CES5A: variants seen among roughly 807,000 people sequenced by gnomAD.
CES5A encodes carboxylesterase 5A.
CES5A carries 67 observed loss-of-function variants against 62.9 expected under a neutral mutation model. The ratio of observed to expected loss-of-function variants is 1.07; its 90% CI spans 0.88 to 1.31. CES5A has a LOEUF of 1.31. Ranked by LOEUF, CES5A falls within the 50% of genes most tolerant of loss-of-function variation. The pLI, the probability that CES5A is intolerant of heterozygous loss-of-function variation, is 0.00. For synonymous variants in CES5A, 296 were observed against 280.8 expected, an observed-to-expected ratio of 1.05 and a Z score of -0.54; for missense variants, 748 against 708.5, an observed-to-expected ratio of 1.06 and a Z score of -0.63.
chr16:55,896,836 G>C (rs984590454), intron 1 of CES5A, among the ~76,000 whole-genome samples: 3 of 152,324 alleles, frequency 2.0e-5, no homozygotes, highest in Middle Eastern at 3.4e-3. Context: ...AACTGCTTTA[G>C]AAAAGTTATT....
intron 1 of CES5A, among the ~76,000 whole-genome samples, chr16:55,905,348 C>T (rs1042082100): frequency 1.3e-5 from 2 of 151,540 alleles, no homozygotes; most frequent in African/African-American, 4.9e-5. Flanking sequence ...TCCTGGCACT[C>T]CCCAGAATAT....
intron 1 of CES5A, among the ~76,000 whole-genome samples, chr16:55,880,440 G>T (rs1013890404): frequency 6.6e-6 from 1 of 152,076 alleles, no homozygotes; most frequent in Admixed American, 6.6e-5. Flanking sequence ...TCAGTCTCAG[G>T]AACACCCCCT....
At chr16:55,917,153 G>T (rs1197505892) in intron 1 of CES5A, among the ~76,000 whole-genome samples, 1 of 152,150 alleles carries the variant, frequency 6.6e-6, no homozygotes, top group African/African-American at 2.4e-5. Context: ...ATCTTATCCA[G>T]TTCCATGGTT....
chr16:55,871,624 C>A lies in CES5A; in HGVS notation c.417+1G>T. 6.2e-7 allele frequency: 1 copy of A among 1,613,966 alleles called. No homozygotes were observed. Among genetic ancestry groups the A allele is most frequent in the South Asian group, 1.1e-5 (1 of 91,058 alleles). On this transcript the variant is annotated splice_donor_variant, in intron 3 of 12. Coordinates refer to ENST00000290567, the MANE Select transcript of CES5A (RefSeq NM_001143685.2). LOFTEE classifies it high-confidence loss of function. ...CCGAAGCACACAGCAGGCAGCCTTA[C>A]GGGGAGCTTGGAGCCTGTATCGGCG... is the stretch of plus-strand genomic sequence containing the variant.
Position 55,846,483 on chromosome 16 carries a change from G to C in CES5A, c.1696C>G (p.Leu566Val). The C allele has an allele frequency of 6.2e-7, 1 of 1,613,940 alleles. No individual in the cohort carries two copies. The highest frequency in any genetic ancestry group is 8.5e-7 in the Non-Finnish European group (1 of 1,179,826). Residue 566 changes from leucine (L) to valine (V), a missense_variant, in exon 13 of 13, where the codon CTC becomes GTC. Physicochemically the swap from Leu to Val is conservative, Grantham distance 32. Transcript: ENST00000290567. ...PLSSLTFLSL[L>V]QPFFFFCAP is the part of the protein sequence containing the mutation. ...GCACAAAAGAAAAAGAAAGGCTGGA[G>C]GAGAGAGAGGAAAGTTAAGGAAGAA...
At chr16:55,943,115 A>G (rs2034461580) in intron 2 of CES5A, among the ~76,000 whole-genome samples, 1 of 152,224 alleles carries the variant, frequency 6.6e-6, no homozygotes, top group South Asian at 2.1e-4. Context: ...TTCCAAACTC[A>G]TGAAATTGAA....
At position 55,849,708 on chromosome 16, in the gene CES5A, G is replaced by T. The variant is rs1180345506; in HGVS notation, c.1339C>A (p.Pro447Thr). 6.2e-7 allele frequency: 1 copy of T among 1,613,988 alleles called. No homozygotes were observed. The highest frequency in any genetic ancestry group is 8.5e-7 in the Non-Finnish European group (1 of 1,179,874). Residue 447 changes from proline (P) to threonine (T), a missense_variant, in exon 11 of 13, where the codon CCA (proline) becomes ACA (threonine). Pro to Thr is a conservative substitution (Grantham distance 38). Coordinates refer to ENST00000290567, the MANE Select transcript of CES5A (RefSeq NM_001143685.2). ...HRPQCFEDTK[P>T]AFVKADHADE... ...GCGTGGTCGGCTTTGACAAAAGCTG[G>T]CTTCGTGTCTTCAAAGCACTGAGGC...
intron 1 of CES5A, among the ~76,000 whole-genome samples, chr16:55,909,189 G>C (rs901291931): frequency 2.6e-5 from 4 of 152,134 alleles, no homozygotes; most frequent in Non-Finnish European, 5.9e-5. Flanking sequence ...CTCCAGAGCT[G>C]GGAGGACTGG....
intron 1 of CES5A, among the ~76,000 whole-genome samples, chr16:55,911,811 C>T (rs759651555): frequency 1.2e-4 from 18 of 152,212 alleles, no homozygotes; most frequent in Non-Finnish European, 2.4e-4. Flanking sequence ...GTCCTGGCCA[C>T]TGACCTGCTG....
At chr16:55,942,148 C>T (rs1049399216) in intron 2 of CES5A, among the ~76,000 whole-genome samples, 2 of 152,056 alleles carry the variant, frequency 1.3e-5, no homozygotes, top group African/African-American at 2.4e-5. Context: ...CAAAAGAATA[C>T]TTTTGCATTC....
chr16:55,886,392 A>G (rs1258287888), intron 1 of CES5A, among the ~76,000 whole-genome samples: 1 of 152,220 alleles, frequency 6.6e-6, no homozygotes, highest in African/African-American at 2.4e-5. Context: ...TGGGAGTGGG[A>G]CAGTGTGTAG....
chr16:55,910,204 C>T (rs2034080169), intron 1 of CES5A, among the ~76,000 whole-genome samples: 1 of 152,192 alleles, frequency 6.6e-6, no homozygotes, highest in East Asian at 1.9e-4. Context: ...AATCCTGCAG[C>T]CCACTCTTCT....
intron 1 of CES5A, among the ~76,000 whole-genome samples, chr16:55,918,647 G>T (rs571797662): frequency 6.6e-6 from 1 of 152,308 alleles, no homozygotes; most frequent in African/African-American, 2.4e-5. Context: ...AAGGCAAAAA[G>T]AGGTGAAGTT....
At chr16:55,870,331 A>T (rs1167946023) in intron 3 of CES5A, among the ~76,000 whole-genome samples, 1 of 151,940 alleles carries the variant, frequency 6.6e-6, no homozygotes, top group Non-Finnish European at 1.5e-5. Flanking sequence ...AGAAGAAGAA[A>T]GAGGAAGAGG....
At position 55,855,701 on chromosome 16, in the gene CES5A, A is replaced by T. The variant is rs550666978; in HGVS notation, c.1125+676T>A. ...GAATAAATGTGTGGGAACAAAAATG[A>T]CTGATAGCCACAAATCAGTCAAGGT... On this transcript the variant is annotated intron_variant, in intron 9 of 12. Transcript: ENST00000290567. Among the ~76,000 whole-genome samples the T allele has an allele frequency of 3.3e-5, 5 of 152,224 alleles. No homozygotes were observed. The South Asian group carries it at 1.0e-3, about 32-fold the overall frequency.
chr16:55,932,357 C>G (rs1338953716), intron 2 of CES5A, among the ~76,000 whole-genome samples: 2 of 152,078 alleles, frequency 1.3e-5, no homozygotes. Flanking sequence ...CTCAGGTATT[C>G]AGTTGTAGCA....
At chr16:55,885,718 T>G (rs1428973931) in intron 1 of CES5A, among the ~76,000 whole-genome samples, 1 of 152,106 alleles carries the variant, frequency 6.6e-6, no homozygotes. Flanking sequence ...TTGATGTAAA[T>G]GTTGTGACAG....
chr16:55,955,588 G>A (rs1349877483), intron 1 of CES5A, among the ~76,000 whole-genome samples: 1 of 152,210 alleles, frequency 6.6e-6, no homozygotes, highest in Non-Finnish European at 1.5e-5. Context: ...GAGGAAAGGA[G>A]ATACCAGTAT....
At chr16:55,954,963 T>C (rs1349030923) in intron 1 of CES5A, among the ~76,000 whole-genome samples, 1 of 152,348 alleles carries the variant, frequency 6.6e-6, no homozygotes, top group South Asian at 2.1e-4. Context: ...TTTTCTTCTC[T>C]GGACCTTAGC....
Sources: allele counts gnomAD v4.1 joint callset (sites outside exome capture counted in the v4.1 genomes callset), GRCh38; gene constraint gnomAD v4.1.1; transcripts MANE v1.5; gene names NCBI Gene and HGNC (gene_info 2026-07-23, HGNC 2026-07-21).